CKM: variants seen among roughly 807,000 people sequenced by gnomAD.
The protein encoded by CKM is creatine kinase M-type.
Under a neutral mutation model 35.4 loss-of-function variants are expected in CKM, and 28 were observed. That is an observed-to-expected ratio of 0.79 (90% CI 0.59 to 1.08). The LOEUF is 1.08. CKM is among the 50% of genes least tolerant of loss of function. CKM has a pLI of 0.00. For synonymous variants in CKM, 215 were observed against 204.4 expected (o/e 1.05, Z -0.44); for missense variants, 484 against 509.8 (o/e 0.95, Z 0.49).
At chr19:45,319,421 C>T in intron 2 of CKM, 100 bp downstream of exon 2, 1 of 917,062 alleles carries the variant, frequency 1.1e-6, no homozygotes, top group Non-Finnish European at 1.7e-6. Flanking sequence ...GATGAGAAAA[C>T]TGAGGCCCCC....
chr19:45,310,759 C>CT (rs3047558), intron 5 of CKM, among the ~76,000 whole-genome samples: 1,189 of 50,296 alleles, frequency 0.024, 353 homozygotes, highest in Non-Finnish European at 0.026. Flanking sequence ...TCACGCCTGG[C>CT]TTTTTTTTTT....
intron 1 of CKM, among the ~76,000 whole-genome samples, chr19:45,320,800 A>G (rs1971205880): frequency 6.6e-6 from 1 of 152,160 alleles, no homozygotes; most frequent in Non-Finnish European, 1.5e-5. Context: ...CACTTGCCGC[A>G]TGGGAGTGTT....
intron 1 of CKM, among the ~76,000 whole-genome samples, chr19:45,321,407 G>A (rs1246393499): frequency 6.6e-6 from 1 of 152,076 alleles, no homozygotes; most frequent in Non-Finnish European, 1.5e-5. Context: ...TCAGCCTCTG[G>A]GTCGTCAGAG....
intron 4 of CKM, among the ~76,000 whole-genome samples, chr19:45,312,961 A>AG (rs1243449456): frequency 1.3e-5 from 2 of 151,704 alleles, no homozygotes; most frequent in African/African-American, 4.8e-5. Context: ...CTAAAAAAAA[A>AG]AAAAAGAAAA....
intron 7 of CKM, 111 bp downstream of exon 7, chr19:45,307,350 C>T: frequency 1.0e-6 from 1 of 970,470 alleles, no homozygotes; most frequent in South Asian, 1.5e-5. Flanking sequence ...CACAGAGGGT[C>T]AGCCCTTGCC....
chr19:45,308,331 G>A, intron 6 of CKM, 78 bp downstream of exon 6: 1 of 1,574,474 alleles, frequency 6.4e-7, no homozygotes, highest in Non-Finnish European at 8.7e-7. Context: ...TTAGTATAGG[G>A]GAAGGGGCGG....
chr19:45,310,919 T>C (rs886604824), intron 5 of CKM, among the ~76,000 whole-genome samples: 3 of 147,468 alleles, frequency 2.0e-5, no homozygotes, highest in Admixed American at 6.8e-5. Context: ...TACAGGCGCC[T>C]GCCACGACGC....
intron 4 of CKM, among the ~76,000 whole-genome samples, chr19:45,312,456 C>G (rs143466349): frequency 0.018 from 2,717 of 149,734 alleles, 45 homozygotes; most frequent in Non-Finnish European, 0.028. Context: ...GAGTTTTGCT[C>G]TTGTTGCCCA....
intron 5 of CKM, among the ~76,000 whole-genome samples, chr19:45,310,188 T>A (rs1274429823): frequency 2.1e-5 from 3 of 143,916 alleles, no homozygotes; most frequent in African/African-American, 7.7e-5. Flanking sequence ...TGATGCGATC[T>A]TGGCTCACTT....
intron 1 of CKM, among the ~76,000 whole-genome samples, chr19:45,322,178 G>A (rs1391576382): frequency 6.6e-6 from 1 of 151,378 alleles, no homozygotes; most frequent in Non-Finnish European, 1.5e-5. Flanking sequence ...TCCCTGCCAG[G>A]GACACCCCAG....
chr19:45,318,863 CTT>C (rs112676432), intron 2 of CKM, among the ~76,000 whole-genome samples: 203 of 141,728 alleles, frequency 1.4e-3, no homozygotes, highest in Middle Eastern at 3.5e-3. Context: ...CTGTCAGATT[CTT>C]TTTTTTTTTT....
chr19:45,307,721 G>A (rs1971067821), intron 6 of CKM, 71 bp from the exon 7 acceptor site: 3 of 1,301,926 alleles, frequency 2.3e-6, no homozygotes, highest in Non-Finnish European at 3.3e-6. Context: ...ACATGGACAG[G>A]GTCCGGAGGG....
At chr19:45,312,364 G>A (rs531944498) in intron 4 of CKM, among the ~76,000 whole-genome samples, 6 of 151,790 alleles carry the variant, frequency 4.0e-5, no homozygotes, top group African/African-American at 1.5e-4. Context: ...TGAGGCAGGA[G>A]GATCACTTAA....
intron 4 of CKM, among the ~76,000 whole-genome samples, chr19:45,312,898 G>A (rs1285800009): frequency 6.7e-6 from 1 of 150,206 alleles, no homozygotes; most frequent in East Asian, 2.0e-4. Flanking sequence ...AGGTTGCAGT[G>A]AGCTGAGATT....
chr19:45,312,183 T>G (rs1287481351), intron 4 of CKM, among the ~76,000 whole-genome samples: 1 of 152,200 alleles, frequency 6.6e-6, no homozygotes, highest in Non-Finnish European at 1.5e-5. Context: ...TGAGGGACCC[T>G]CACATCCAAT....
intron 2 of CKM, 77 bp downstream of exon 2, chr19:45,319,444 G>A (rs1971190694): frequency 1.7e-6 from 2 of 1,171,176 alleles, no homozygotes; most frequent in South Asian, 2.5e-5. Flanking sequence ...CCCTTCAAGG[G>A]TGGTGGGATT....
At position 45,317,848 on chromosome 19, in the gene CKM, C is replaced by T. The variant is rs1208780262; in HGVS notation, c.325G>A (p.Asp109Asn). ...ACCTTGAGGTTTTCATGGTTGAGGT[C>T]AGTCTTGTGCTTGTCAGTGGGTTTG... ...GYKPTDKHKT[D>N]LNHENLKGGD... The change falls in exon 3 of 8, where the codon GAC becomes AAC. Residue 109 changes from aspartate (D) to asparagine (N), a missense_variant. Asp to Asn is a conservative substitution (Grantham distance 23). Coordinates refer to ENST00000221476, the MANE Select transcript of CKM (RefSeq NM_001824.5). The T allele has an allele frequency of 3.1e-6, 5 of 1,614,010 alleles. No individual in the cohort carries two copies. In the South Asian group the frequency reaches 5.5e-5, roughly 18 times the overall value.
In CKM at chr19:45,319,509, G is replaced by C; in HGVS notation, c.193+12C>G. ...CATGTAGCCCCTTCAGTGCTCCACT[G>C]GGGAGGCTCACCTGGGTTGTCCACT... On this transcript the variant is annotated intron_variant, in intron 2 of 7. Transcript: ENST00000221476. 2 of 1,611,294 alleles carry C rather than the reference G, an allele frequency of 1.2e-6. No homozygotes were observed. The highest frequency in any genetic ancestry group is 1.7e-6 in the Non-Finnish European group (2 of 1,177,822).
chr19:45,307,359 C>T (rs182036988), intron 7 of CKM, 102 bp downstream of exon 7: 2 of 1,119,624 alleles, frequency 1.8e-6, no homozygotes, highest in Non-Finnish European at 2.6e-6. Flanking sequence ...TCAGCCCTTG[C>T]CGGATCCCCA....
Sources: allele counts gnomAD v4.1 joint callset (sites outside exome capture counted in the v4.1 genomes callset), GRCh38; gene constraint gnomAD v4.1.1; transcripts MANE v1.5; gene names NCBI Gene and HGNC (gene_info 2026-07-23, HGNC 2026-07-21).